The following FER variants were observed in gnomAD, a reference collection of about 807,000 sequenced individuals.
FER encodes the protein FER tyrosine kinase, also known as tyrosine-protein kinase Fer.
FER carries 63 observed loss-of-function variants against 111.0 expected under a neutral mutation model. That is an observed-to-expected ratio of 0.57 (90% CI 0.46 to 0.70). The LOEUF is 0.70. Among genes scored for constraint, FER ranks in the 30% least tolerant of loss-of-function variants. The pLI, the probability that FER is intolerant of heterozygous loss-of-function variation, is 0.00. For missense variants in FER, 914 were observed against 954.0 expected (o/e 0.96, Z 0.55); for synonymous variants, 327 against 313.9 (o/e 1.04, Z -0.44).
At chr5:108,895,324 G>A (rs1581098066) in intron 9 of FER, among the ~76,000 whole-genome samples, 2 of 152,136 alleles carry the variant, frequency 1.3e-5, no homozygotes, top group Admixed American at 6.5e-5. Flanking sequence ...TCTTGCTGCT[G>A]TAGCAAATTG....
chr5:108,751,788 G>A (rs890253783), intron 1 of FER, among the ~76,000 whole-genome samples: 1 of 152,212 alleles, frequency 6.6e-6, no homozygotes. Flanking sequence ...TCATGGTTCT[G>A]AGGAATATTT....
chr5:108,882,759 T>C (rs1485286224), intron 8 of FER, among the ~76,000 whole-genome samples: 2 of 151,926 alleles, frequency 1.3e-5, no homozygotes, highest in African/African-American at 4.8e-5. Context: ...ATGATAGCCA[T>C]GTATGTTTTT....
chr5:109,055,863 A>C lies in FER; in HGVS notation c.1924+8665A>C, dbSNP rs573360793. Among the ~76,000 whole-genome samples, 840 of 151,276 alleles carry C rather than the reference A, an allele frequency of 5.6e-3. 6 individuals are homozygous for C. The highest frequency in any genetic ancestry group is 0.019 in the African/African-American group (803 of 41,320). On this transcript the variant is annotated intron_variant, in intron 16 of 19. Coordinates refer to ENST00000281092, the MANE Select transcript of FER (RefSeq NM_005246.4). ...CAAAACATTGTCTCAAAAAAAAAAA[A>C]AAACCCAAAAAACAAAAACAAAACA...
At chr5:109,173,258 C>G (rs1757325827) in intron 17 of FER, among the ~76,000 whole-genome samples, 3 of 152,168 alleles carry the variant, frequency 2.0e-5, no homozygotes, top group African/African-American at 7.2e-5. Flanking sequence ...GATTCCCATT[C>G]AGTCAGCTGT....
chr5:108,775,293 A>G (rs375077361), intron 2 of FER, among the ~76,000 whole-genome samples: 2 of 152,222 alleles, frequency 1.3e-5, no homozygotes, highest in South Asian at 4.1e-4. Context: ...TTTTGAATGA[A>G]TTAATTGTAT....
intron 17 of FER, among the ~76,000 whole-genome samples, chr5:109,146,213 T>TATATATATATATTATCTATCTA (rs1754103298): frequency 2.2e-5 from 3 of 137,880 alleles, no homozygotes; most frequent in African/African-American, 5.5e-5. Context: ...ATCTATTTTA[T>TATATATATATATTATCTATCTA]ATATATATAT....
At position 108,800,057 on chromosome 5, in the gene FER, G is replaced by T. The variant is rs186683526; in HGVS notation, c.207+1668G>T. ...GGGGTTTCATCATGTTGGCTAGGCT[G>T]GTCTTGAACTCCTGACCTCAAATGA... On this transcript the variant is annotated intron_variant, in intron 3 of 19. Transcript: ENST00000281092. 2.1e-3 allele frequency among the ~76,000 whole-genome samples: 313 copies of T among 151,860 alleles called. 3 individuals are homozygous for T. The highest frequency in any genetic ancestry group is 7.0e-3 in the African/African-American group (290 of 41,440).
At chr5:109,036,185 T>C (rs935257287) in intron 13 of FER, among the ~76,000 whole-genome samples, 2 of 152,184 alleles carry the variant, frequency 1.3e-5, no homozygotes, top group African/African-American at 4.8e-5. Flanking sequence ...TTTTTATAGT[T>C]AGTGTTTTTT....
chr5:108,917,428 T>G (rs1752411626), intron 10 of FER, among the ~76,000 whole-genome samples: 1 of 152,224 alleles, frequency 6.6e-6, no homozygotes, highest in South Asian at 2.1e-4. Context: ...TGGTCTTTTG[T>G]TCTCCACAGG....
At chr5:108,787,544 T>C (rs1034952742) in intron 2 of FER, among the ~76,000 whole-genome samples, 2 of 152,176 alleles carry the variant, frequency 1.3e-5, no homozygotes, top group African/African-American at 4.8e-5. Flanking sequence ...ACTTCATTGA[T>C]GACTGTTTGG....
intron 13 of FER, among the ~76,000 whole-genome samples, chr5:109,012,851 T>C (rs959412708): frequency 3.9e-5 from 6 of 152,102 alleles, no homozygotes; most frequent in African/African-American, 1.2e-4. Context: ...ATATGATGAA[T>C]AATGAAATAA....
intron 9 of FER, among the ~76,000 whole-genome samples, chr5:108,885,748 A>G (rs1380465017): frequency 6.6e-6 from 1 of 151,820 alleles, no homozygotes; most frequent in Non-Finnish European, 1.5e-5. Flanking sequence ...CAACATCTGA[A>G]TTTTGGCAGC....
At position 109,024,654 on chromosome 5, in the gene FER, G is replaced by A. The variant is rs138866262; in HGVS notation, c.1657-12768G>A. On this transcript the variant is annotated intron_variant, in intron 13 of 19. Coordinates refer to ENST00000281092, the MANE Select transcript of FER (RefSeq NM_005246.4). ...TTTGCTCTTTGAAGATAAAGGTACC[G>A]TCTAATCCCCCTTTCTTTTTCATAT... 3.4e-4 allele frequency among the ~76,000 whole-genome samples: 51 copies of A among 152,184 alleles called. 1 individual carries two copies. The East Asian group carries it at 7.2e-3, about 21-fold the overall frequency.
chr5:108,870,276 C>T (rs565057821), intron 6 of FER, among the ~76,000 whole-genome samples: 3 of 152,160 alleles, frequency 2.0e-5, no homozygotes, highest in East Asian at 3.9e-4. Flanking sequence ...AGATGTTTTT[C>T]ATTTTTCCTC....
intron 15 of FER, 96 bp from the exon 16 acceptor site, chr5:109,047,008 A>C: frequency 3.3e-6 from 2 of 603,110 alleles, no homozygotes; most frequent in Admixed American, 3.6e-5. Flanking sequence ...TTGAATTATG[A>C]TTCAAGAGTA....
intron 13 of FER, among the ~76,000 whole-genome samples, chr5:108,979,971 T>G (rs72789345): frequency 0.13 from 19,279 of 152,062 alleles, 1,236 homozygotes; most frequent in Middle Eastern, 0.16. Flanking sequence ...GATCTGCATT[T>G]TCAAAAAGAT....
At chr5:108,990,487 C>T (rs375617289) in intron 13 of FER, among the ~76,000 whole-genome samples, 1 of 151,440 alleles carries the variant, frequency 6.6e-6, no homozygotes, top group African/African-American at 2.4e-5. Flanking sequence ...ATCCTAACTG[C>T]CCACTTAATA....
intron 5 of FER, among the ~76,000 whole-genome samples, chr5:108,838,549 G>T (rs1282995238): frequency 6.6e-6 from 1 of 152,124 alleles, no homozygotes; most frequent in Non-Finnish European, 1.5e-5. Context: ...AGCAGTAGTA[G>T]TAGTAGTAAA....
At chr5:108,843,782 C>A (rs758130315) in intron 5 of FER, among the ~76,000 whole-genome samples, 10 of 151,938 alleles carry the variant, frequency 6.6e-5, no homozygotes, top group Non-Finnish European at 1.2e-4. Context: ...CCACCTCAGC[C>A]TCCCAAAGTG....
Sources: allele counts gnomAD v4.1 joint callset (sites outside exome capture counted in the v4.1 genomes callset), GRCh38; gene constraint gnomAD v4.1.1; transcripts MANE v1.5; gene names NCBI Gene and HGNC (gene_info 2026-07-23, HGNC 2026-07-21).